The following PLEKHF2 variants were observed in gnomAD, a reference collection of about 807,000 sequenced individuals.
PLEKHF2 encodes pleckstrin homology and FYVE domain containing 2.
A neutral mutation model predicts 14.7 loss-of-function variants in PLEKHF2; 4 were observed. The observed-to-expected ratio is 0.27, with a 90% confidence interval of 0.13 to 0.62. The LOEUF (loss-of-function observed/expected upper bound fraction) is 0.62, where lower values mean the gene tolerates loss of function less well. Ranked by LOEUF, PLEKHF2 falls within the 20% of genes least tolerant of loss-of-function variation. The pLI, the probability that PLEKHF2 is intolerant of heterozygous loss-of-function variation, is 0.85. For synonymous variants in PLEKHF2, 90 were observed against 103.5 expected (o/e 0.87, Z 0.79); for missense variants, 201 against 307.7 (o/e 0.65, Z 2.60).
intron 1 of PLEKHF2, among the ~76,000 whole-genome samples, chr8:95,137,402 A>T (rs1810387635): frequency 6.6e-6 from 1 of 152,248 alleles, no homozygotes; most frequent in South Asian, 2.1e-4. Context: ...AAATCTCCTG[A>T]AGAGCTACTT....
At chr8:95,145,101 C>CT (rs772581853) in intron 1 of PLEKHF2, among the ~76,000 whole-genome samples, 6 of 151,844 alleles carry the variant, frequency 4.0e-5, no homozygotes, top group Non-Finnish European at 7.4e-5. Flanking sequence ...TAGAATAAGT[C>CT]TACTTTTCAG....
intron 1 of PLEKHF2, among the ~76,000 whole-genome samples, chr8:95,140,940 T>G (rs887175430): frequency 1.3e-5 from 2 of 152,222 alleles, no homozygotes; most frequent in Admixed American, 6.5e-5. Context: ...TTGTTTTGTT[T>G]TTTTCCTTCT....
chr8:95,149,891 T>G (rs1406658377), intron 1 of PLEKHF2, among the ~76,000 whole-genome samples: 1 of 152,160 alleles, frequency 6.6e-6, no homozygotes, highest in African/African-American at 2.4e-5. Flanking sequence ...GGCTAGGCCC[T>G]GTAATCTTGT....
At chr8:95,148,042 C>T (rs982847068) in intron 1 of PLEKHF2, among the ~76,000 whole-genome samples, 1 of 151,400 alleles carries the variant, frequency 6.6e-6, no homozygotes, top group African/African-American at 2.4e-5. Flanking sequence ...AATTAATGAA[C>T]AATATTTCTA....
chr8:95,152,260 G>A (rs1810571845), intron 1 of PLEKHF2, among the ~76,000 whole-genome samples: 1 of 151,954 alleles, frequency 6.6e-6, no homozygotes, highest in Admixed American at 6.6e-5. Context: ...CCTCTTGATG[G>A]CTATTTGGAG....
chr8:95,149,752 C>T lies in PLEKHF2; in HGVS notation c.-14-4279C>T, dbSNP rs756778703. ...CTGCAAGGGGACGGGAAAGCTTTCT[C>T]TTAGTTCTTCCTATATACACTGGTA... is the stretch of plus-strand genomic sequence containing the variant. On this transcript the variant is annotated intron_variant, in intron 1 of 1. Coordinates refer to ENST00000315367, the MANE Select transcript of PLEKHF2 (RefSeq NM_024613.4). Among the ~76,000 whole-genome samples, 4 of 152,280 alleles carry T rather than the reference C, an allele frequency of 2.6e-5. No homozygotes were observed. The South Asian group carries it at 8.3e-4, about 32-fold the overall frequency.
intron 1 of PLEKHF2, among the ~76,000 whole-genome samples, chr8:95,137,411 T>A (rs924334910): frequency 6.6e-6 from 1 of 152,234 alleles, no homozygotes; most frequent in Non-Finnish European, 1.5e-5. Flanking sequence ...GAAGAGCTAC[T>A]TAAAAAGAAT....
chr8:95,141,266 T>C (rs975689601), intron 1 of PLEKHF2, among the ~76,000 whole-genome samples: 1 of 152,232 alleles, frequency 6.6e-6, no homozygotes, highest in Non-Finnish European at 1.5e-5. Context: ...TATTTTCCTA[T>C]TGTAAGCTTC....
chr8:95,154,385 C>T lies in PLEKHF2; in HGVS notation c.341C>T (p.Ala114Val), dbSNP rs1183240471. 6.2e-7 allele frequency: 1 copy of T among 1,614,026 alleles called. No homozygotes were observed. The highest frequency in any genetic ancestry group is 1.7e-5 in the Admixed American group (1 of 59,998). ...TPTKSFAVYA[A>V]TATEKSEWMN... ...ACTAAATCTTTTGCAGTTTATGCTG[C>T]CACTGCTACGGAGAAATCAGAATGG... Residue 114 changes from alanine to valine, a missense_variant, in exon 2 of 2, where the codon GCC becomes GTC. By Grantham distance (64) the Ala-to-Val change is moderately conservative. Transcript: ENST00000315367. This position sits in a 1 kb window ranked among gnomAD's most constrained non-coding sequence, Gnocchi z 5.6.
intron 1 of PLEKHF2, among the ~76,000 whole-genome samples, chr8:95,152,015 T>C: frequency 6.6e-6 from 1 of 152,116 alleles, no homozygotes; most frequent in East Asian, 1.9e-4. Context: ...AACGGTATGC[T>C]GTGGTTTAAT....
At chr8:95,135,877 A>G (rs1207172192) in intron 1 of PLEKHF2, among the ~76,000 whole-genome samples, 1 of 152,092 alleles carries the variant, frequency 6.6e-6, no homozygotes, top group East Asian at 1.9e-4. Context: ...ACTTGAATTT[A>G]GTTCTTCAGT....
intron 1 of PLEKHF2, among the ~76,000 whole-genome samples, chr8:95,142,036 T>C (rs1014483942): frequency 6.6e-6 from 1 of 152,330 alleles, no homozygotes; most frequent in African/African-American, 2.4e-5. Flanking sequence ...ATAGTACTTA[T>C]CTCCTTGTGT....
Position 95,154,471 on chromosome 8 carries a change from A to G in PLEKHF2, c.427A>G (p.Asn143Asp), listed in dbSNP as rs775257119. 2.5e-6 allele frequency: 4 copies of G among 1,614,000 alleles called. No individual in the cohort carries two copies. Among genetic ancestry groups the G allele is most frequent in the Non-Finnish European group, 3.4e-6 (4 of 1,179,960 alleles). ...LLSKSGKTPSNEHAAVWVPDS... is the reference protein window; with the variant it reads ...LLSKSGKTPSDEHAAVWVPDS... ...CTCCAAAAGTGGGAAGACACCCAGTAATGAACATGCTGCTGTCTGGGTTCC... is the reference window on the plus strand; with the variant it reads ...CTCCAAAAGTGGGAAGACACCCAGTGATGAACATGCTGCTGTCTGGGTTCC... Residue 143 changes from asparagine to aspartate, a missense_variant, in exon 2 of 2, where the codon AAT (asparagine) becomes GAT (aspartate). Asn to Asp is a conservative substitution (Grantham distance 23). Coordinates refer to ENST00000315367, the MANE Select transcript of PLEKHF2 (RefSeq NM_024613.4). This position sits in a 1 kb window ranked among gnomAD's most constrained non-coding sequence, Gnocchi z 5.6.
Position 95,154,310 on chromosome 8 carries a change from C to T in PLEKHF2, c.266C>T (p.Ser89Phe). Residue 89 changes from serine to phenylalanine, a missense_variant, in exon 2 of 2, where the codon TCC becomes TTC. Ser to Phe is a radical substitution (Grantham distance 155). Transcript: ENST00000315367. This position sits in a 1 kb window ranked among gnomAD's most constrained non-coding sequence, Gnocchi z 5.6. ...IIPLENVTID[S>F]IKDEGDLRNG... ...CCCCTGGAAAATGTCACTATTGATT[C>T]CATCAAAGATGAGGGAGACTTAAGG... 6.2e-7 allele frequency: 1 copy of T among 1,613,964 alleles called. No homozygotes were observed.
Position 95,154,822 on chromosome 8 carries a change from T to C in PLEKHF2, c.*28T>C, listed in dbSNP as rs1810598461. 2 of 1,597,288 alleles carry C rather than the reference T, an allele frequency of 1.3e-6. No individual in the cohort carries two copies. The highest frequency in any genetic ancestry group is 1.3e-5 in the African/African-American group (1 of 74,384). Reference sequence around the variant, plus strand: ...ACACATTTGGGAGTATTTAATCAGGTGTGGCTATCTGAGAAATCAACTTTG... The same window carrying C: ...ACACATTTGGGAGTATTTAATCAGGCGTGGCTATCTGAGAAATCAACTTTG... On this transcript the variant is annotated 3_prime_UTR_variant, in exon 2 of 2. Coordinates refer to ENST00000315367, the MANE Select transcript of PLEKHF2 (RefSeq NM_024613.4). The surrounding 1 kb of genome is among the most constrained non-coding windows in gnomAD (Gnocchi z 5.6).
At chr8:95,147,842 TTTTTA>T (rs1810515730) in intron 1 of PLEKHF2, among the ~76,000 whole-genome samples, 1 of 152,162 alleles carries the variant, frequency 6.6e-6, no homozygotes, top group South Asian at 2.1e-4. Flanking sequence ...ATTTTTTCAT[TTTTTA>T]TTTTCTGTCT....
chr8:95,154,488 C>G lies in PLEKHF2; in HGVS notation c.444C>G (p.Val148=). 1.2e-6 allele frequency: 2 copies of G among 1,614,122 alleles called. No individual in the cohort carries two copies. Among genetic ancestry groups the G allele is most frequent in the East Asian group, 2.2e-5 (1 of 44,888 alleles). The change falls in exon 2 of 2, where the codon GTC becomes GTG. Residue 148 remains valine, a synonymous_variant. Coordinates refer to ENST00000315367, the MANE Select transcript of PLEKHF2 (RefSeq NM_024613.4). This position sits in a 1 kb window ranked among gnomAD's most constrained non-coding sequence, Gnocchi z 5.6. ...CACCCAGTAATGAACATGCTGCTGT[C>G]TGGGTTCCTGACTCTGAGGCAACTG... ...GKTPSNEHAA[V]WVPDSEATVC... is the part of the protein sequence containing the mutation.
intron 1 of PLEKHF2, among the ~76,000 whole-genome samples, chr8:95,149,803 A>G (rs1810537945): frequency 6.6e-6 from 1 of 152,194 alleles, no homozygotes; most frequent in Admixed American, 6.5e-5. Context: ...AGTAGACATT[A>G]ATCAAATTGG....
chr8:95,154,260 A>T lies in PLEKHF2; in HGVS notation c.216A>T (p.Lys72Asn). ...LVYGNIVIQKKKYNKQHIIPL... is the reference protein window; with the variant it reads ...LVYGNIVIQKNKYNKQHIIPL... ...ATGGCAATATTGTCATCCAGAAGAA[A>T]AAATATAACAAACAACATATTATTC... Residue 72 changes from lysine to asparagine, a missense_variant, in exon 2 of 2, where the codon AAA becomes AAT. Lys to Asn is a moderately conservative substitution (Grantham distance 94). Transcript: ENST00000315367. The surrounding 1 kb of genome is among the most constrained non-coding windows in gnomAD (Gnocchi z 5.6). 6.2e-7 allele frequency: 1 copy of T among 1,613,856 alleles called. No homozygotes were observed. Among genetic ancestry groups the T allele is most frequent in the Non-Finnish European group, 8.5e-7 (1 of 1,179,848 alleles).
Sources: allele counts gnomAD v4.1 joint callset (sites outside exome capture counted in the v4.1 genomes callset), GRCh38; gene constraint gnomAD v4.1.1; non-coding constraint Gnocchi (gnomAD v3.1); transcripts MANE v1.5; gene names NCBI Gene and HGNC (gene_info 2026-07-23, HGNC 2026-07-21).